The following CDH13 variants were observed in gnomAD, a reference collection of about 807,000 sequenced individuals.
CDH13 encodes the protein cadherin 13.
In CDH13, 24 loss-of-function variants were observed where a neutral mutation model predicts 63.8. The observed-to-expected ratio is 0.38, with a 90% CI of 0.27 to 0.53. The LOEUF is 0.53. Among genes scored for constraint, CDH13 ranks in the 20% least tolerant of loss-of-function variants. CDH13 has a pLI of 0.85. For synonymous variants in CDH13, 503 were observed against 355.3 expected (o/e 1.42, Z -4.67); for missense variants, 1,049 against 903.1 (o/e 1.16, Z -2.07).
At chr16:83,149,304 A>G (rs1206330769) in intron 4 of CDH13, among the ~76,000 whole-genome samples, 1 of 152,210 alleles carries the variant, frequency 6.6e-6, no homozygotes, top group African/African-American at 2.4e-5. Context: ...ACACATTTAT[A>G]CTCATTTGAT....
intron 6 of CDH13, among the ~76,000 whole-genome samples, chr16:83,464,626 C>T (rs566759939): frequency 3.2e-4 from 49 of 152,284 alleles, no homozygotes; most frequent in Non-Finnish European, 6.5e-4. Flanking sequence ...TCCCAACATG[C>T]TGGGATTACA....
At chr16:83,102,496 A>G (rs1051003773) in intron 3 of CDH13, among the ~76,000 whole-genome samples, 4 of 152,298 alleles carry the variant, frequency 2.6e-5, no homozygotes, top group East Asian at 3.9e-4. Context: ...TAACAGGGGC[A>G]GAGTGCAGAT....
At chr16:83,230,447 C>G (rs752324856) in intron 5 of CDH13, among the ~76,000 whole-genome samples, 5 of 152,104 alleles carry the variant, frequency 3.3e-5, no homozygotes, top group African/African-American at 2.4e-5. Context: ...TGACCACCCC[C>G]GCAAGCCTCT....
chr16:83,108,206 T>C (rs2034878636), intron 3 of CDH13, among the ~76,000 whole-genome samples: 1 of 152,212 alleles, frequency 6.6e-6, no homozygotes, highest in South Asian at 2.1e-4. Context: ...GCATGATGCA[T>C]CTCCACTATA....
At chr16:83,140,353 C>A (rs1273956284) in intron 4 of CDH13, among the ~76,000 whole-genome samples, 1 of 152,230 alleles carries the variant, frequency 6.6e-6, no homozygotes, top group Non-Finnish European at 1.5e-5. Context: ...GTATGGCAGA[C>A]CATTGCTATG....
chr16:83,730,015 C>G (rs918950490), intron 10 of CDH13, among the ~76,000 whole-genome samples: 1 of 152,176 alleles, frequency 6.6e-6, no homozygotes. Context: ...TGGACCCTCA[C>G]GGTGCTATAC....
chr16:83,650,378 A>G (rs1270032082), intron 8 of CDH13, among the ~76,000 whole-genome samples: 3 of 152,194 alleles, frequency 2.0e-5, no homozygotes, highest in Non-Finnish European at 4.4e-5. Flanking sequence ...TTACCCCAGA[A>G]AATGTTACTA....
At chr16:82,799,788 T>C (rs1323894165) in intron 1 of CDH13, among the ~76,000 whole-genome samples, 3 of 152,130 alleles carry the variant, frequency 2.0e-5, no homozygotes, top group Non-Finnish European at 4.4e-5. Context: ...TTTGATTTTC[T>C]AAATGGAGAC....
At chr16:83,420,921 A>G (rs2071695936) in intron 6 of CDH13, among the ~76,000 whole-genome samples, 1 of 152,224 alleles carries the variant, frequency 6.6e-6, no homozygotes, top group African/African-American at 2.4e-5. Flanking sequence ...CAGGGGAAAA[A>G]GAAGTAAGAC....
intron 1 of CDH13, among the ~76,000 whole-genome samples, chr16:82,723,751 T>C (rs2032926248): frequency 6.6e-6 from 1 of 152,198 alleles, no homozygotes; most frequent in African/African-American, 2.4e-5. Flanking sequence ...TTCTTTTTGT[T>C]TTTGCTTTAG....
intron 1 of CDH13, among the ~76,000 whole-genome samples, chr16:82,833,203 G>A (rs1406674287): frequency 6.6e-6 from 1 of 152,194 alleles, no homozygotes; most frequent in Non-Finnish European, 1.5e-5. Flanking sequence ...AGGGTTTTCT[G>A]ATTTCAAATG....
At chr16:83,096,681 T>C (rs1050321832) in intron 3 of CDH13, among the ~76,000 whole-genome samples, 1 of 152,206 alleles carries the variant, frequency 6.6e-6, no homozygotes, top group Admixed American at 6.5e-5. Flanking sequence ...TCCCTTGGAC[T>C]GAGTGCAATT....
intron 1 of CDH13, among the ~76,000 whole-genome samples, chr16:82,672,511 G>A (rs899438682): frequency 5.9e-5 from 9 of 151,796 alleles, no homozygotes; most frequent in South Asian, 2.1e-4. Context: ...GAAATCACCC[G>A]GATTCGAAAC....
At chr16:83,116,586 C>G (rs1378191133) in intron 3 of CDH13, among the ~76,000 whole-genome samples, 1 of 152,126 alleles carries the variant, frequency 6.6e-6, no homozygotes, top group African/African-American at 2.4e-5. Flanking sequence ...CATGAAATGT[C>G]CAGAAAAGAC....
chr16:83,766,512 T>G (rs1447065569), intron 11 of CDH13, among the ~76,000 whole-genome samples: 1 of 152,180 alleles, frequency 6.6e-6, no homozygotes, highest in East Asian at 1.9e-4. Flanking sequence ...ACAGACAACC[T>G]CACTTTGCAC....
intron 1 of CDH13, among the ~76,000 whole-genome samples, chr16:82,815,888 T>C (rs2037681123): frequency 6.6e-6 from 1 of 152,204 alleles, no homozygotes; most frequent in African/African-American, 2.4e-5. Flanking sequence ...CAGATGACTG[T>C]TGGGGAAACG....
chr16:82,870,990 C>T (rs2040324241), intron 2 of CDH13, among the ~76,000 whole-genome samples: 2 of 152,162 alleles, frequency 1.3e-5, no homozygotes, highest in South Asian at 2.1e-4. Flanking sequence ...CTAAATTCAC[C>T]TTCAGGAAGT....
At chr16:83,319,711 GA>G (rs892705782) in intron 5 of CDH13, among the ~76,000 whole-genome samples, 3 of 152,048 alleles carry the variant, frequency 2.0e-5, no homozygotes, top group African/African-American at 4.8e-5. Context: ...AACGGAGAAG[GA>G]AAAAAATATG....
intron 4 of CDH13, among the ~76,000 whole-genome samples, chr16:83,157,318 C>A (rs1292693547): frequency 6.6e-6 from 1 of 152,078 alleles, no homozygotes; most frequent in Non-Finnish European, 1.5e-5. Context: ...AGGTAGTGAA[C>A]CATGTGCCTA....
Sources: gnomAD v4.1 joint callset for allele counts (sites outside exome capture counted in the v4.1 genomes callset) on GRCh38, gnomAD v4.1.1 for gene constraint, MANE v1.5 for transcripts, NCBI Gene and HGNC (gene_info 2026-07-23, HGNC 2026-07-21) for gene names.